DNAJC1: variants seen among roughly 807,000 people sequenced by gnomAD.
The protein encoded by DNAJC1 is DnaJ heat shock protein family (Hsp40) member C1.
Under a neutral mutation model 76.6 loss-of-function variants are expected in DNAJC1, and 58 were observed. The ratio of observed to expected loss-of-function variants is 0.76; its 90% confidence interval spans 0.61 to 0.94. DNAJC1 has a LOEUF of 0.94. DNAJC1 is among the 40% of genes least tolerant of loss of function. DNAJC1 has a pLI of 0.00. For synonymous variants in DNAJC1, 258 were observed against 267.9 expected, an observed-to-expected ratio of 0.96 and a Z score of 0.36; for missense variants, 689 against 677.3, an observed-to-expected ratio of 1.02 and a Z score of -0.19.
intron 8 of DNAJC1, among the ~76,000 whole-genome samples, chr10:21,847,173 T>A (rs1835673565): frequency 6.6e-6 from 1 of 152,286 alleles, no homozygotes; most frequent in South Asian, 2.1e-4. Flanking sequence ...ATTCATAGTG[T>A]GTTATAAGCA....
rs143251760 is a variant in DNAJC1 at position 21,844,211 on chromosome 10, T to A, written c.978+38071A>T. Among the ~76,000 whole-genome samples the A allele has an allele frequency of 1.9e-3, 282 of 152,238 alleles. 2 individuals carry two copies. The highest frequency in any genetic ancestry group is 3.2e-3 in the Non-Finnish European group (215 of 68,018). On this transcript the variant is annotated intron_variant, in intron 8 of 11. Coordinates refer to ENST00000376980, the MANE Select transcript of DNAJC1 (RefSeq NM_022365.4). ...TATTAGCAGCATGAAAATGGACCAA[T>A]ATACTCAGTCTCCCGAGTAGCTGGG...
In DNAJC1 at chr10:21,970,604, C is replaced by T. The variant is rs143152602; in HGVS notation, c.222+32609G>A. Among the ~76,000 whole-genome samples the T allele has an allele frequency of 2.6e-5, 4 of 152,026 alleles. No homozygotes were observed. The East Asian group carries it at 5.8e-4, about 22-fold the overall frequency. On this transcript the variant is annotated intron_variant, in intron 1 of 11. Coordinates refer to ENST00000376980, the MANE Select transcript of DNAJC1 (RefSeq NM_022365.4). ...GAATGTTTTCCTTTGTAGACCTTGA[C>T]AAACTCTTTCCCAGGTCAGCATCTC...
intron 6 of DNAJC1, among the ~76,000 whole-genome samples, chr10:21,914,121 G>A (rs556694116): frequency 1.3e-5 from 2 of 152,216 alleles, no homozygotes; most frequent in Admixed American, 6.5e-5. Flanking sequence ...TACATGGGGC[G>A]TACATTTGAC....
intron 6 of DNAJC1, among the ~76,000 whole-genome samples, chr10:21,915,487 C>T (rs1052162488): frequency 6.6e-6 from 1 of 152,198 alleles, no homozygotes; most frequent in African/African-American, 2.4e-5. Context: ...AGCTTGGACC[C>T]TGCTTCTTAA....
chr10:21,943,270 T>C (rs943044469), intron 1 of DNAJC1, among the ~76,000 whole-genome samples: 5 of 152,146 alleles, frequency 3.3e-5, no homozygotes, highest in African/African-American at 7.2e-5. Flanking sequence ...TAAACATTAA[T>C]GCAGAAATTA....
intron 9 of DNAJC1, among the ~76,000 whole-genome samples, chr10:21,777,655 G>C (rs922676109): frequency 6.6e-6 from 1 of 152,132 alleles, no homozygotes; most frequent in African/African-American, 2.4e-5. Context: ...ACATATGCAG[G>C]GTTTGAAATC....
chr10:21,952,212 C>T (rs1205399872), intron 1 of DNAJC1, among the ~76,000 whole-genome samples: 1 of 152,054 alleles, frequency 6.6e-6, no homozygotes, highest in African/African-American at 2.4e-5. Context: ...AGTAAAACCC[C>T]CAAAAACTAC....
At chr10:21,918,033 C>G (rs1439497837) in intron 6 of DNAJC1, among the ~76,000 whole-genome samples, 2 of 151,874 alleles carry the variant, frequency 1.3e-5, no homozygotes, top group Non-Finnish European at 2.9e-5. Context: ...TAAAACATTT[C>G]TCTCCAAAAA....
intron 6 of DNAJC1, among the ~76,000 whole-genome samples, chr10:21,909,814 A>G (rs1836824124): frequency 6.6e-6 from 1 of 152,198 alleles, no homozygotes; most frequent in African/African-American, 2.4e-5. Flanking sequence ...TACAGCTAAG[A>G]AGGTGGTGAA....
At chr10:21,919,637 G>A (rs1732901594) in intron 5 of DNAJC1, among the ~76,000 whole-genome samples, 195 bp downstream of exon 5, 1 of 151,816 alleles carries the variant, frequency 6.6e-6, no homozygotes, top group Non-Finnish European at 1.5e-5. Context: ...ACTTTATATG[G>A]GGGAAAAAAC....
intron 8 of DNAJC1, among the ~76,000 whole-genome samples, chr10:21,876,114 A>G (rs1055075767): frequency 6.6e-6 from 1 of 151,524 alleles, no homozygotes; most frequent in East Asian, 1.9e-4. Context: ...AAAAAACGTT[A>G]ATTTTTTTTT....
intron 7 of DNAJC1, among the ~76,000 whole-genome samples, chr10:21,893,559 G>A (rs1255595285): frequency 6.7e-6 from 1 of 150,170 alleles, no homozygotes; most frequent in Admixed American, 6.6e-5. Flanking sequence ...CCCAGGGGGC[G>A]GAGGTTGCAG....
chr10:21,981,121 T>A (rs1019724671), intron 1 of DNAJC1, among the ~76,000 whole-genome samples: 6 of 152,200 alleles, frequency 3.9e-5, no homozygotes, highest in African/African-American at 1.2e-4. Flanking sequence ...TAATTCAGCA[T>A]GTAAACAACT....
chr10:21,958,308 C>T (rs931133112), intron 1 of DNAJC1, among the ~76,000 whole-genome samples: 7 of 152,070 alleles, frequency 4.6e-5, no homozygotes, highest in Non-Finnish European at 1.0e-4. Context: ...ATAAGAGTCA[C>T]CTGTTTTAAG....
chr10:21,865,693 C>T (rs1173576059), intron 8 of DNAJC1: 1 of 151,928 alleles, frequency 6.6e-6, no homozygotes, highest in African/African-American at 2.4e-5. Flanking sequence ...AAATGGTACA[C>T]TTTAAATATG....
intron 7 of DNAJC1, among the ~76,000 whole-genome samples, chr10:21,895,960 TC>T (rs1270577914): frequency 1.3e-5 from 2 of 152,216 alleles, no homozygotes; most frequent in East Asian, 3.9e-4. Context: ...GGCCACCACT[TC>T]AGGGGGCACA....
At chr10:21,944,687 G>C (rs1020448607) in intron 1 of DNAJC1, among the ~76,000 whole-genome samples, 5 of 152,224 alleles carry the variant, frequency 3.3e-5, no homozygotes, top group Non-Finnish European at 2.9e-5. Context: ...AAAGAATCGA[G>C]TGTAAAAAAA....
At chr10:21,784,900 T>C (rs573712354) in intron 9 of DNAJC1, among the ~76,000 whole-genome samples, 1 of 140,856 alleles carries the variant, frequency 7.1e-6, no homozygotes, top group South Asian at 2.3e-4. Context: ...GGGCCTGTCA[T>C]GGGGTGGGGG....
rs369577321 is a variant in DNAJC1 at position 21,827,632 on chromosome 10, T to C, written c.979-21533A>G. Among the ~76,000 whole-genome samples, 4 of 152,316 alleles carry C rather than the reference T, an allele frequency of 2.6e-5. No individual in the cohort carries two copies. In the East Asian group the frequency reaches 7.7e-4, roughly 29 times the overall value. ...TCTGCTGCGTCATCATATGGCCTTTTTCCTTGTGGATGCTTCTGTGTGACT... is the reference window on the plus strand; with the variant it reads ...TCTGCTGCGTCATCATATGGCCTTTCTCCTTGTGGATGCTTCTGTGTGACT... On this transcript the variant is annotated intron_variant, in intron 8 of 11. Coordinates refer to ENST00000376980, the MANE Select transcript of DNAJC1 (RefSeq NM_022365.4).
Sources: gnomAD v4.1 joint callset for allele counts (sites outside exome capture counted in the v4.1 genomes callset) on GRCh38, gnomAD v4.1.1 for gene constraint, MANE v1.5 for transcripts, NCBI Gene and HGNC (gene_info 2026-07-23, HGNC 2026-07-21) for gene names.